The following TBC1D5 variants were observed in gnomAD, a reference collection of about 807,000 sequenced individuals.
The protein encoded by TBC1D5 is TBC1 domain family, member 5.
In TBC1D5, 75 loss-of-function variants were observed where a neutral mutation model predicts 100.3. That is an observed-to-expected ratio of 0.75 (90% confidence interval 0.62 to 0.91). The LOEUF is 0.91. Ranked by LOEUF, TBC1D5 falls within the 40% of genes least tolerant of loss-of-function variation. TBC1D5 has a pLI of 0.00. For missense variants in TBC1D5, 910 were observed against 942.4 expected (o/e 0.97, Z 0.45); for synonymous variants, 323 against 325.6 (o/e 0.99, Z 0.09).
At chr3:17,379,287 C>T (rs1453956513) in intron 9 of TBC1D5, among the ~76,000 whole-genome samples, 1 of 151,956 alleles carries the variant, frequency 6.6e-6, no homozygotes. Context: ...ATAGTTCTTA[C>T]TAGGTTTATC....
At chr3:17,552,235 T>TA (rs1400827334) in intron 2 of TBC1D5, among the ~76,000 whole-genome samples, 1 of 151,318 alleles carries the variant, frequency 6.6e-6, no homozygotes. Context: ...ATCAAAGAAG[T>TA]AAGCTTTATA....
chr3:17,297,277 C>G (rs566436043), intron 14 of TBC1D5, among the ~76,000 whole-genome samples: 1 of 152,158 alleles, frequency 6.6e-6, no homozygotes. Flanking sequence ...GATGATATAG[C>G]GTAAAAACAA....
chr3:17,690,074 G>A, intron 1 of TBC1D5, among the ~76,000 whole-genome samples: 1 of 151,942 alleles, frequency 6.6e-6, no homozygotes, highest in Non-Finnish European at 1.5e-5. Flanking sequence ...AAAAACAGTG[G>A]GAAACAAGAC....
chr3:17,477,234 A>T (rs1257185961), intron 3 of TBC1D5, among the ~76,000 whole-genome samples: 1 of 152,038 alleles, frequency 6.6e-6, no homozygotes, highest in Admixed American at 6.5e-5. Flanking sequence ...TTCCCAGGAT[A>T]AACAAAATTT....
intron 14 of TBC1D5, among the ~76,000 whole-genome samples, chr3:17,298,426 G>C (rs1228572284): frequency 1.3e-5 from 2 of 152,184 alleles, no homozygotes; most frequent in Non-Finnish European, 2.9e-5. Flanking sequence ...GGGTAGGGCT[G>C]ATAATAATGA....
chr3:17,430,513 A>AG (rs141184392), intron 3 of TBC1D5, among the ~76,000 whole-genome samples: 11,456 of 151,818 alleles, frequency 0.075, 482 homozygotes, highest in Non-Finnish European at 0.092. Flanking sequence ...AAATGGTAAT[A>AG]GGGAAAAAAA....
chr3:17,389,687 C>T (rs1297717658), intron 8 of TBC1D5, among the ~76,000 whole-genome samples: 2 of 152,098 alleles, frequency 1.3e-5, no homozygotes, highest in Non-Finnish European at 2.9e-5. Flanking sequence ...CAGAGATGAG[C>T]CATCCTACTG....
chr3:17,189,544 C>T (rs763127592), intron 18 of TBC1D5, among the ~76,000 whole-genome samples: 19 of 152,168 alleles, frequency 1.2e-4, no homozygotes, highest in Admixed American at 6.5e-5. Context: ...GATTGTAATA[C>T]GCCAGACACT....
chr3:17,573,954 C>T lies in TBC1D5; in HGVS notation c.-36+49895G>A, dbSNP rs76711350. ...TGTTGATCCAGTACCGAGAACACTG[C>T]CACAGTACGTAAAAAGTACTTCATG... On this transcript the variant is annotated intron_variant, in intron 2 of 21. Coordinates refer to ENST00000253692, the Ensembl canonical transcript of TBC1D5. Among the ~76,000 whole-genome samples the T allele has an allele frequency of 1.1e-3, 164 of 151,914 alleles. 3 individuals carry two copies. In the East Asian group the frequency reaches 0.021, roughly 20 times the overall value.
chr3:17,388,670 G>A (rs1451534595), intron 8 of TBC1D5, among the ~76,000 whole-genome samples: 1 of 139,618 alleles, frequency 7.2e-6, no homozygotes, highest in Non-Finnish European at 1.5e-5. Flanking sequence ...GCAACATAGC[G>A]AGACCCTGCC....
At chr3:17,454,375 A>C (rs2149774157) in intron 3 of TBC1D5, among the ~76,000 whole-genome samples, 1 of 152,208 alleles carries the variant, frequency 6.6e-6, no homozygotes, top group East Asian at 1.9e-4. Flanking sequence ...GAAAAACGTA[A>C]AGACTCTACA....
chr3:17,254,760 C>CGGGG (rs1349069413), intron 16 of TBC1D5, among the ~76,000 whole-genome samples: 1 of 28,792 alleles, frequency 3.5e-5, no homozygotes, highest in African/African-American at 2.7e-4. Context: ...TTTACCGTGG[C>CGGGG]GGGGGTGGGG....
chr3:17,699,623 T>G (rs867945466), intron 1 of TBC1D5, among the ~76,000 whole-genome samples: 3 of 144,312 alleles, frequency 2.1e-5, no homozygotes, highest in Admixed American at 7.2e-5. Flanking sequence ...TACAGATTTA[T>G]TCTCAATTAT....
chr3:17,717,334 C>A (rs575856785), intron 1 of TBC1D5, among the ~76,000 whole-genome samples: 1 of 151,420 alleles, frequency 6.6e-6, no homozygotes, highest in African/African-American at 2.4e-5. Flanking sequence ...TTAATACTAT[C>A]AAACTTTCAC....
intron 2 of TBC1D5, among the ~76,000 whole-genome samples, chr3:17,584,160 G>C (rs988365896): frequency 6.6e-6 from 1 of 152,186 alleles, no homozygotes; most frequent in South Asian, 2.1e-4. Flanking sequence ...ACAGAACGCA[G>C]ATTGATCGAT....
chr3:17,284,667 AT>A (rs2080987165), intron 15 of TBC1D5, among the ~76,000 whole-genome samples: 1 of 152,212 alleles, frequency 6.6e-6, no homozygotes, highest in Non-Finnish European at 1.5e-5. Context: ...GAAACACATG[AT>A]TCTTATTATG....
intron 2 of TBC1D5, among the ~76,000 whole-genome samples, chr3:17,545,232 G>A (rs1337129978): frequency 6.6e-6 from 1 of 152,084 alleles, no homozygotes; most frequent in East Asian, 1.9e-4. Context: ...TGTCATTAAG[G>A]TGGAACATAA....
intron 2 of TBC1D5, among the ~76,000 whole-genome samples, chr3:17,543,443 G>A (rs2096379528): frequency 6.6e-6 from 1 of 151,956 alleles, no homozygotes; most frequent in Non-Finnish European, 1.5e-5. Context: ...AACCAGCCTG[G>A]GTAACATGGT....
chr3:17,195,955 A>T (rs1002043524), intron 18 of TBC1D5, among the ~76,000 whole-genome samples: 15 of 152,288 alleles, frequency 9.8e-5, no homozygotes, highest in African/African-American at 3.4e-4. Context: ...TGGTTGGTAA[A>T]TGCTGCTGAG....
Sources: allele counts gnomAD v4.1 joint callset (sites outside exome capture counted in the v4.1 genomes callset), GRCh38; gene constraint gnomAD v4.1.1; transcripts MANE v1.5; gene names NCBI Gene and HGNC (gene_info 2026-07-23, HGNC 2026-07-21).